Variants in AUTS2 observed in about 807,000 individuals in gnomAD.
AUTS2 encodes autism susceptibility gene 2 protein.
AUTS2 carries 17 observed loss-of-function variants against 112.4 expected under a neutral mutation model. The observed-to-expected ratio is 0.15, with a 90% CI of 0.10 to 0.23. The LOEUF (loss-of-function observed/expected upper bound fraction) is 0.23, where lower values mean the gene tolerates loss of function less well. AUTS2 is among the 10% of genes least tolerant of loss of function. The pLI is 1.00. For synonymous variants in AUTS2, 751 were observed against 702.7 expected, an observed-to-expected ratio of 1.07 and a Z score of -1.09; for missense variants, 1,510 against 1,701.6, an observed-to-expected ratio of 0.89 and a Z score of 1.98.
intron 1 of AUTS2, among the ~76,000 whole-genome samples, chr7:69,814,028 A>T (rs1309939163): frequency 6.6e-6 from 1 of 152,226 alleles, no homozygotes; most frequent in African/African-American, 2.4e-5. Flanking sequence ...CTTGCCAGCA[A>T]GTGTGGTATT....
At chr7:69,723,028 T>TGGTCGCCGTA (rs1799045586) in intron 1 of AUTS2, among the ~76,000 whole-genome samples, 1 of 152,020 alleles carries the variant, frequency 6.6e-6, no homozygotes, top group African/African-American at 2.4e-5. Flanking sequence ...CATAGAACTG[T>TGGTCGCCGTA]TCAGAAGCAA....
At chr7:70,264,052 TG>T (rs1787293763) in intron 4 of AUTS2, among the ~76,000 whole-genome samples, 1 of 152,210 alleles carries the variant, frequency 6.6e-6, no homozygotes, top group Non-Finnish European at 1.5e-5. Context: ...ACTAGTAATT[TG>T]ATCCAATTGG....
At chr7:70,191,446 T>TA (rs1303775112) in intron 4 of AUTS2, among the ~76,000 whole-genome samples, 1 of 152,116 alleles carries the variant, frequency 6.6e-6, no homozygotes, top group Non-Finnish European at 1.5e-5. Flanking sequence ...GCTGGGATTA[T>TA]AGGCGTGAGC....
intron 5 of AUTS2, among the ~76,000 whole-genome samples, chr7:70,623,511 T>A (rs539469144): frequency 2.0e-5 from 3 of 152,334 alleles, no homozygotes; most frequent in South Asian, 2.1e-4. Flanking sequence ...AGTTCCTCAG[T>A]GACACACTAG....
At chr7:70,538,697 A>G (rs1368409164) in intron 5 of AUTS2, among the ~76,000 whole-genome samples, 1 of 152,200 alleles carries the variant, frequency 6.6e-6, no homozygotes. Flanking sequence ...TTAATGTGTG[A>G]AGTTTTAAAA....
At chr7:70,001,407 C>T (rs571188713) in intron 2 of AUTS2, among the ~76,000 whole-genome samples, 11 of 151,822 alleles carry the variant, frequency 7.2e-5, no homozygotes, top group East Asian at 1.9e-4. Context: ...ATTACAGGTG[C>T]GAGACACCAC....
chr7:70,206,750 G>T (rs539206787), intron 4 of AUTS2, among the ~76,000 whole-genome samples: 1 of 152,206 alleles, frequency 6.6e-6, no homozygotes, highest in East Asian at 1.9e-4. Context: ...TAGCCAAGTG[G>T]TTATATCAGA....
intron 2 of AUTS2, among the ~76,000 whole-genome samples, chr7:69,941,475 A>G (rs554967728): frequency 6.6e-6 from 1 of 152,256 alleles, no homozygotes; most frequent in South Asian, 2.1e-4. Context: ...TCTGCTTAAC[A>G]TTTGGAACTG....
At chr7:69,770,467 C>T (rs1788612481) in intron 1 of AUTS2, among the ~76,000 whole-genome samples, 1 of 152,128 alleles carries the variant, frequency 6.6e-6, no homozygotes, top group Non-Finnish European at 1.5e-5. Flanking sequence ...TGGGAGCATC[C>T]TGGCTACCTG....
intron 1 of AUTS2, among the ~76,000 whole-genome samples, chr7:69,715,203 T>C (rs557039351): frequency 6.8e-6 from 1 of 147,068 alleles, no homozygotes; most frequent in Non-Finnish European, 1.5e-5. Context: ...TTCTTTGGCT[T>C]GTATAATTTT....
chr7:70,046,668 T>G (rs572219262), intron 2 of AUTS2, among the ~76,000 whole-genome samples: 1 of 152,330 alleles, frequency 6.6e-6, no homozygotes, highest in East Asian at 1.9e-4. Flanking sequence ...AAAGTAAAAC[T>G]TGTAGTAATT....
intron 4 of AUTS2, among the ~76,000 whole-genome samples, chr7:70,303,344 T>A (rs1789310813): frequency 6.6e-6 from 1 of 152,084 alleles, no homozygotes; most frequent in Non-Finnish European, 1.5e-5. Context: ...AGCAGGGAGC[T>A]GAGGTTGATC....
intron 5 of AUTS2, chr7:70,437,118 G>A (rs924257344): frequency 3.3e-5 from 5 of 152,282 alleles, no homozygotes; most frequent in Non-Finnish European, 5.9e-5. Context: ...AGTGACCTAT[G>A]GAAGGGTACG....
At chr7:69,882,824 G>A (rs890463559) in intron 1 of AUTS2, among the ~76,000 whole-genome samples, 7 of 152,218 alleles carry the variant, frequency 4.6e-5, no homozygotes, top group Non-Finnish European at 8.8e-5. Flanking sequence ...ACAATCTTGA[G>A]GATATATGGA....
chr7:69,983,649 G>A (rs1798388014), intron 2 of AUTS2, among the ~76,000 whole-genome samples: 1 of 152,108 alleles, frequency 6.6e-6, no homozygotes, highest in Non-Finnish European at 1.5e-5. Flanking sequence ...TGCTATTTCT[G>A]CTGAGAAAGA....
intron 2 of AUTS2, among the ~76,000 whole-genome samples, chr7:69,944,338 A>G (rs904683500): frequency 5.9e-5 from 9 of 152,314 alleles, no homozygotes; most frequent in Admixed American, 2.0e-4. Flanking sequence ...AGGTTTGGGC[A>G]TGCTCGAAAA....
intron 1 of AUTS2, among the ~76,000 whole-genome samples, chr7:69,824,372 GCA>G (rs1277130325): frequency 6.6e-6 from 1 of 151,518 alleles, no homozygotes; most frequent in Non-Finnish European, 1.5e-5. Flanking sequence ...TCGCGCCACC[GCA>G]CTCCAGCCTG....
intron 1 of AUTS2, among the ~76,000 whole-genome samples, chr7:69,673,952 GT>G (rs1417783548): frequency 6.6e-6 from 1 of 152,194 alleles, no homozygotes; most frequent in Non-Finnish European, 1.5e-5. Context: ...TCCTAAGTGA[GT>G]TTATATATTT....
chr7:69,750,485 T>C lies in AUTS2; in HGVS notation c.310-148801T>C, dbSNP rs116435341. Among the ~76,000 whole-genome samples the C allele has an allele frequency of 2.9e-3, 439 of 150,162 alleles. 5 individuals carry two copies. The highest frequency in any genetic ancestry group is 0.01 in the African/African-American group (423 of 41,016). ...ACAAATACTATGTTAGTAGTAGTAG[T>C]AGTAGTAGTAGTAGTAGCAGTAGTA... is the stretch of plus-strand genomic sequence containing the variant. On this transcript the variant is annotated intron_variant, in intron 1 of 18. Transcript: ENST00000342771.
Sources: allele counts gnomAD v4.1 joint callset (sites outside exome capture counted in the v4.1 genomes callset), GRCh38; gene constraint gnomAD v4.1.1; transcripts MANE v1.5; gene names NCBI Gene and HGNC (gene_info 2026-07-23, HGNC 2026-07-21).